Variants in PACRG observed in about 807,000 individuals in gnomAD.
The protein encoded by PACRG is parkin coregulated gene protein.
A neutral mutation model predicts 29.7 loss-of-function variants in PACRG; 29 were observed. That is an observed-to-expected ratio of 0.98 (90% CI 0.73 to 1.33). The LOEUF (loss-of-function observed/expected upper bound fraction) is 1.33. Ranked by LOEUF, PACRG falls within the 40% of genes most tolerant of loss-of-function variation. The pLI is 0.00. For synonymous variants in PACRG, 116 were observed against 118.7 expected, an observed-to-expected ratio of 0.98 and a Z score of 0.15; for missense variants, 279 against 316.2, an observed-to-expected ratio of 0.88 and a Z score of 0.89.
chr6:163,189,788 T>C (rs978249253), intron 4 of PACRG: 3 of 152,222 alleles, frequency 2.0e-5, no homozygotes, highest in Admixed American at 6.5e-5. Context: ...CCCAGTGCCA[T>C]GCGCCTGATG....
Position 163,162,100 on chromosome 6 carries a change from C to T in PACRG, c.613+72692C>T, listed in dbSNP as rs148902890. Among the ~76,000 whole-genome samples the T allele has an allele frequency of 1.1e-3, 168 of 152,230 alleles. 6 individuals are homozygous for T. In the East Asian group the frequency reaches 0.022, roughly 20 times the overall value. ...GCCTTGGGTATGGGGCTTGCTGGAGCCTCCACATCCTGGACTCTGCTGGAG... is the reference window on the plus strand; with the variant it reads ...GCCTTGGGTATGGGGCTTGCTGGAGTCTCCACATCCTGGACTCTGCTGGAG... On this transcript the variant is annotated intron_variant, in intron 4 of 4. Coordinates refer to ENST00000366888, the MANE Select transcript of PACRG (RefSeq NM_001080379.2).
chr6:162,875,710 G>A (rs753135475), intron 2 of PACRG, among the ~76,000 whole-genome samples: 6 of 152,158 alleles, frequency 3.9e-5, no homozygotes, highest in Non-Finnish European at 7.3e-5. Context: ...CAATAATTGT[G>A]TCCTTGACTT....
chr6:163,108,419 C>T (rs570849612), intron 4 of PACRG, among the ~76,000 whole-genome samples: 466 of 77,560 alleles, frequency 6.0e-3, no homozygotes, highest in Non-Finnish European at 8.8e-3. Flanking sequence ...TTTTTTTTGA[C>T]GGTGTTGCTC....
chr6:162,766,272 A>G (rs1782784355), intron 1 of PACRG, among the ~76,000 whole-genome samples: 1 of 152,046 alleles, frequency 6.6e-6, no homozygotes, highest in South Asian at 2.1e-4. Context: ...TATGAGCTTG[A>G]CATTTTTAGA....
chr6:162,756,310 A>G (rs1247912456), intron 1 of PACRG, among the ~76,000 whole-genome samples: 2 of 152,168 alleles, frequency 1.3e-5, no homozygotes, highest in East Asian at 1.9e-4. Flanking sequence ...TGCTTTCTGT[A>G]TATAGGTGCT....
intron 2 of PACRG, among the ~76,000 whole-genome samples, chr6:162,958,266 A>G (rs1584869137): frequency 6.6e-6 from 1 of 152,196 alleles, no homozygotes; most frequent in African/African-American, 2.4e-5. Context: ...TATGAAAAAT[A>G]ATGAATTTCA....
At chr6:163,128,987 G>A (rs755886519) in intron 4 of PACRG, among the ~76,000 whole-genome samples, 3 of 152,076 alleles carry the variant, frequency 2.0e-5, no homozygotes, top group Non-Finnish European at 4.4e-5. Context: ...AAGTATAAGA[G>A]AATTCTCAAT....
At chr6:163,089,066 G>A (rs1444969162) in intron 3 of PACRG, among the ~76,000 whole-genome samples, 193 bp from the exon 4 acceptor site, 1 of 152,144 alleles carries the variant, frequency 6.6e-6, no homozygotes, top group Non-Finnish European at 1.5e-5. Flanking sequence ...AGAATAAACA[G>A]TAATCAGACA....
chr6:162,866,508 G>A (rs1164903552), intron 2 of PACRG, among the ~76,000 whole-genome samples: 1 of 151,866 alleles, frequency 6.6e-6, no homozygotes, highest in African/African-American at 2.4e-5. Flanking sequence ...CATAGAGCTC[G>A]CTCTTTTGCT....
chr6:163,054,696 G>C (rs1051773461), intron 2 of PACRG, among the ~76,000 whole-genome samples: 15 of 152,138 alleles, frequency 9.9e-5, no homozygotes, highest in African/African-American at 3.6e-4. Flanking sequence ...CGCTAAGCCA[G>C]AGTCCCTGCT....
At chr6:163,291,845 A>G (rs967731073) in intron 4 of PACRG, among the ~76,000 whole-genome samples, 2 of 151,592 alleles carry the variant, frequency 1.3e-5, no homozygotes, top group Non-Finnish European at 2.9e-5. Flanking sequence ...GGAGGCCCTG[A>G]CTCTTGTCTG....
intron 2 of PACRG, among the ~76,000 whole-genome samples, chr6:162,927,029 A>G (rs1164808994): frequency 1.3e-5 from 2 of 152,196 alleles, no homozygotes; most frequent in Non-Finnish European, 2.9e-5. Context: ...GAAGATGTTT[A>G]TGCAGCCAAC....
chr6:163,315,275 A>G lies in PACRG; in HGVS notation c.*288A>G. The G allele has an allele frequency of 3.7e-6, 1 of 269,744 alleles. No homozygotes were observed. Among genetic ancestry groups the G allele is most frequent in the Non-Finnish European group, 7.0e-6 (1 of 143,380 alleles). The allele number at this position is 269,744 out of a possible 1,614,324, so 16.7% of individuals were successfully genotyped here. A position where few individuals can be genotyped will look rare whatever the true frequency, so the allele number is the denominator to read the frequency against. On this transcript the variant is annotated 3_prime_UTR_variant, in exon 5 of 5. Coordinates refer to ENST00000366888, the MANE Select transcript of PACRG (RefSeq NM_001080379.2). The stretch of plus-strand genomic sequence containing the variant: ...AAGCAGGAGTCCGAGTTAAACCTTC[A>G]GTTGTATAGACAATAAACTATAATT...
intron 4 of PACRG, among the ~76,000 whole-genome samples, chr6:163,133,960 G>A (rs1478173272): frequency 2.0e-5 from 3 of 152,224 alleles, no homozygotes; most frequent in African/African-American, 4.8e-5. Flanking sequence ...TTTGAATTTC[G>A]TAACTTATAT....
chr6:162,848,511 G>T (rs1444274870), intron 2 of PACRG, among the ~76,000 whole-genome samples: 2 of 152,180 alleles, frequency 1.3e-5, no homozygotes, highest in Admixed American at 6.5e-5. Context: ...TAAGCACTTT[G>T]CCCTGTGACA....
At chr6:163,304,743 T>A (rs983342104) in intron 4 of PACRG, among the ~76,000 whole-genome samples, 3 of 151,988 alleles carry the variant, frequency 2.0e-5, no homozygotes, top group African/African-American at 7.3e-5. Context: ...TGCAGTGGGG[T>A]CAGTAGGAAA....
chr6:163,094,397 GC>G (rs1001680523), intron 4 of PACRG, among the ~76,000 whole-genome samples: 2 of 152,122 alleles, frequency 1.3e-5, no homozygotes, highest in African/African-American at 4.8e-5. Context: ...TAGAACTACT[GC>G]CCCCCACATT....
chr6:162,863,446 A>G (rs1200756641), intron 2 of PACRG, among the ~76,000 whole-genome samples: 2 of 152,228 alleles, frequency 1.3e-5, no homozygotes, highest in African/African-American at 4.8e-5. Context: ...ATGTTTGAGA[A>G]CATGTGGGCA....
chr6:163,268,448 C>T (rs1218184296), intron 4 of PACRG, among the ~76,000 whole-genome samples: 1 of 151,222 alleles, frequency 6.6e-6, no homozygotes, highest in African/African-American at 2.4e-5. Flanking sequence ...TGTAAGCTTC[C>T]AAACAACTTA....
Sources: allele counts gnomAD v4.1 joint callset (sites outside exome capture counted in the v4.1 genomes callset), GRCh38; gene constraint gnomAD v4.1.1; transcripts MANE v1.5; gene names NCBI Gene and HGNC (gene_info 2026-07-23, HGNC 2026-07-21).